Variants in NLGN4X observed in about 807,000 individuals in gnomAD.
NLGN4X encodes neuroligin 4 X-linked, also known as neuroligin-4, X-linked.
In NLGN4X, 3 loss-of-function variants were observed where a neutral mutation model predicts 40.3. The ratio of observed to expected loss-of-function variants is 0.07; its 90% CI spans 0.03 to 0.19. The LOEUF is 0.19. Ranked by LOEUF, NLGN4X falls within the 10% of genes least tolerant of loss-of-function variation. The pLI is 1.00. For synonymous variants in NLGN4X, 270 were observed against 306.8 expected (o/e 0.88, Z 1.25); for missense variants, 382 against 708.3 (o/e 0.54, Z 5.23).
chrX:6,031,925 T>C (rs1225609115), intron 2 of NLGN4X, among the ~76,000 whole-genome samples: 6 of 111,101 alleles, frequency 5.4e-5, no homozygotes, highest in Non-Finnish European at 5.7e-5. Flanking sequence ...AGCAATTTGG[T>C]AGCCTTAAGA....
intron 2 of NLGN4X, among the ~76,000 whole-genome samples, chrX:6,090,751 A>C (rs1169020296): frequency 8.9e-6 from 1 of 111,792 alleles, no homozygotes; most frequent in Non-Finnish European, 1.9e-5. Context: ...GTTTCGCCTC[A>C]GAGGCAATAT....
intron 3 of NLGN4X, among the ~76,000 whole-genome samples, chrX:6,010,037 A>C (rs2036207290): frequency 8.9e-6 from 1 of 112,502 alleles, no homozygotes; most frequent in Admixed American, 9.4e-5. Context: ...GGAGAATCAC[A>C]AAGTGAAGCA....
chrX:5,954,646 C>CTG (rs2034432568), intron 3 of NLGN4X, among the ~76,000 whole-genome samples: 2 of 108,425 alleles, frequency 1.8e-5, no homozygotes, highest in Non-Finnish European at 3.8e-5. Flanking sequence ...CTCTCTCTCT[C>CTG]TCTCTCTCTC....
intron 3 of NLGN4X, among the ~76,000 whole-genome samples, chrX:5,954,663 TC>T (rs2034435202): frequency 9.2e-6 from 1 of 109,024 alleles, no homozygotes; most frequent in Non-Finnish European, 1.9e-5. Context: ...TCTCTCTCTC[TC>T]TGTCTCTCTT....
In NLGN4X at chrX:5,922,793, G is replaced by A. The variant is rs774496842; in HGVS notation, c.626-13554C>T. ...CAGGAGAATCGCTTGAACCTGGGAG[G>A]AGGAGGTTGCAGTGAGCCGAGATCA... is the stretch of plus-strand genomic sequence containing the variant. On this transcript the variant is annotated intron_variant, in intron 3 of 5. Transcript: ENST00000381095. Among the ~76,000 whole-genome samples the A allele has an allele frequency of 1.6e-4, 18 of 110,826 alleles. No homozygotes were observed. The East Asian group carries it at 2.6e-3, about 16-fold the overall frequency.
intron 3 of NLGN4X, among the ~76,000 whole-genome samples, chrX:6,009,624 T>G (rs2036196133): frequency 8.9e-6 from 1 of 112,044 alleles, no homozygotes; most frequent in African/African-American, 3.2e-5. Flanking sequence ...GGTGGGTGGG[T>G]ACTGACTGGA....
chrX:5,940,220 C>T (rs896873043), intron 3 of NLGN4X, among the ~76,000 whole-genome samples: 4 of 111,490 alleles, frequency 3.6e-5, no homozygotes, highest in African/African-American at 1.3e-4. Flanking sequence ...CCATTATTTT[C>T]CAGGACTAAA....
At chrX:6,055,372 G>A (rs2037596027) in intron 2 of NLGN4X, among the ~76,000 whole-genome samples, 1 of 112,064 alleles carries the variant, frequency 8.9e-6, no homozygotes, top group South Asian at 3.7e-4. Context: ...GGTGGCATCT[G>A]TAGTCCTATT....
rs1475743822 is a variant in NLGN4X at position 6,091,943 on chromosome X, CCTTT to C, written c.472+59048_472+59051del. Among the ~76,000 whole-genome samples, 5 of 109,389 alleles carry C rather than the reference CCTTT, an allele frequency of 4.6e-5. No homozygotes were observed. In the South Asian group the frequency reaches 1.6e-3, roughly 36 times the overall value. The allele number at this position is 109,389 out of a possible 115,157, so 95.0% of individuals were successfully genotyped here. A position where few individuals can be genotyped will look rare whatever the true frequency, so the allele number is the denominator to read the frequency against. Reference sequence around the variant, plus strand: ...CACTCCTTCCCTCTCTCCCTTCCTCCCTTTCTTTTTTTACTCCTTCCTTCTCTCT... The same window carrying C: ...CACTCCTTCCCTCTCTCCCTTCCTCCCTTTTTTTACTCCTTCCTTCTCTCT... On this transcript the variant is annotated intron_variant, in intron 2 of 5. Coordinates refer to ENST00000381095, the MANE Select transcript of NLGN4X (RefSeq NM_181332.3).
rs761434804 is a variant in NLGN4X, at chrX:6,071,580, A to G, written c.473-42148T>C. Among the ~76,000 whole-genome samples the G allele has an allele frequency of 1.5e-3, 162 of 111,301 alleles. 2 individuals are homozygous for G. The highest frequency in any genetic ancestry group is 4.9e-3 in the African/African-American group (151 of 30,662). ...GGCTTCAGAAGCCCTAATCAGATGGATCCCCTCATGGTCCCGGAGAAATCC... is the reference window on the plus strand; with the variant it reads ...GGCTTCAGAAGCCCTAATCAGATGGGTCCCCTCATGGTCCCGGAGAAATCC... On this transcript the variant is annotated intron_variant, in intron 2 of 5. Coordinates refer to ENST00000381095, the MANE Select transcript of NLGN4X (RefSeq NM_181332.3).
At chrX:6,130,329 A>C (rs1446921260) in intron 2 of NLGN4X, among the ~76,000 whole-genome samples, 1 of 112,056 alleles carries the variant, frequency 8.9e-6, no homozygotes. Context: ...TGAAACAGAG[A>C]AAAGGCCCCA....
chrX:5,987,807 C>A (rs2035570472), intron 3 of NLGN4X, among the ~76,000 whole-genome samples: 1 of 112,139 alleles, frequency 8.9e-6, no homozygotes, highest in Non-Finnish European at 1.9e-5. Context: ...GGCACCGTGG[C>A]TCACGCCTGT....
At chrX:6,042,801 C>T (rs1330562560) in intron 2 of NLGN4X, among the ~76,000 whole-genome samples, 4 of 96,619 alleles carry the variant, frequency 4.1e-5, no homozygotes, top group Non-Finnish European at 6.2e-5. Context: ...TAATGCCTGG[C>T]GCAGTGGCTC....
intron 3 of NLGN4X, among the ~76,000 whole-genome samples, chrX:5,993,247 T>C (rs942747457): frequency 9.0e-6 from 1 of 111,394 alleles, no homozygotes; most frequent in African/African-American, 3.3e-5. Context: ...ACCCGAAGTA[T>C]GTACATGCAT....
chrX:6,184,565 C>T (rs1394748705), intron 1 of NLGN4X, among the ~76,000 whole-genome samples: 1 of 109,818 alleles, frequency 9.1e-6, no homozygotes, highest in Admixed American at 9.7e-5. Flanking sequence ...ATCTCTTAGA[C>T]TCAACACTCA....
intron 3 of NLGN4X, among the ~76,000 whole-genome samples, chrX:5,927,806 G>C (rs1444167206): frequency 8.9e-6 from 1 of 112,421 alleles, no homozygotes; most frequent in Non-Finnish European, 1.9e-5. Flanking sequence ...CTAAAGCTCA[G>C]TGTGTGCTAT....
chrX:6,182,438 G>C (rs1921555875), intron 1 of NLGN4X, among the ~76,000 whole-genome samples: 1 of 111,542 alleles, frequency 9.0e-6, no homozygotes, highest in South Asian at 3.8e-4. Context: ...TCAAGAGGGA[G>C]AAAGATGTTG....
intron 3 of NLGN4X, among the ~76,000 whole-genome samples, chrX:6,013,591 A>C (rs2036311330): frequency 9.0e-6 from 1 of 111,216 alleles, no homozygotes; most frequent in Non-Finnish European, 1.9e-5. Flanking sequence ...TGGTGTCAGG[A>C]AGCACACCTA....
intron 3 of NLGN4X, among the ~76,000 whole-genome samples, chrX:6,020,178 C>T (rs1415635320): frequency 9.0e-6 from 1 of 111,254 alleles, no homozygotes; most frequent in Non-Finnish European, 1.9e-5. Context: ...ATCACAACAG[C>T]TGAAATATGG....
Sources: gnomAD v4.1 joint callset for allele counts (sites outside exome capture counted in the v4.1 genomes callset) on GRCh38, gnomAD v4.1.1 for gene constraint, MANE v1.5 for transcripts, NCBI Gene and HGNC (gene_info 2026-07-23, HGNC 2026-07-21) for gene names.